HCK: variants seen among roughly 807,000 people sequenced by gnomAD.
HCK encodes HCK proto-oncogene, Src family tyrosine kinase.
HCK carries 40 observed loss-of-function variants against 70.4 expected under a neutral mutation model. The ratio of observed to expected loss-of-function variants is 0.57; its 90% CI spans 0.44 to 0.74. HCK has a LOEUF of 0.74. Among genes scored for constraint, HCK ranks in the 30% least tolerant of loss-of-function variants. HCK has a pLI of 0.00. For missense variants in HCK, 568 were observed against 697.2 expected (o/e 0.81, Z 2.09); for synonymous variants, 245 against 263.2 (o/e 0.93, Z 0.67).
At chr20:32,072,559 T>C (rs1026439291) in intron 2 of HCK, 3 of 100,910 alleles carry the variant, frequency 3.0e-5, no homozygotes, top group Non-Finnish European at 5.3e-5. Context: ...AGACCCTGTC[T>C]CTTTAAAAAA....
chr20:32,054,234 G>C (rs1306423287), intron 1 of HCK: 1 of 456,436 alleles, frequency 2.2e-6, no homozygotes, highest in East Asian at 6.9e-5. Flanking sequence ...GCTGTCATGA[G>C]TTACAGTCCT....
rs1275381117 is a variant in HCK at position 32,086,666 on chromosome 20, A to G, written c.874A>G (p.Met292Val). 6.2e-7 allele frequency: 1 copy of G among 1,613,230 alleles called. No individual in the cohort carries two copies. Among genetic ancestry groups the G allele is most frequent in the South Asian group, 1.1e-5 (1 of 91,024 alleles). Reference sequence around the variant, plus strand: ...GCACACCAAGGTGGCAGTGAAGACGATGAAGCCAGGGAGCATGTCGGTGGA... The same window carrying G: ...GCACACCAAGGTGGCAGTGAAGACGGTGAAGCCAGGGAGCATGTCGGTGGA... Residue 292 changes from methionine (M) to valine (V), a missense_variant, in exon 9 of 13, where the codon ATG (methionine) becomes GTG (valine). This residue lies in a region of HCK where 160 missense variants were observed against 237.5 expected (regional missense o/e 0.67). Coordinates refer to ENST00000375852, the MANE Select transcript of HCK (RefSeq NM_002110.5).
chr20:32,058,883 T>C (rs1255488051), intron 1 of HCK, among the ~76,000 whole-genome samples: 1 of 152,156 alleles, frequency 6.6e-6, no homozygotes, highest in African/African-American at 2.4e-5. Context: ...TAGAACAGGC[T>C]TGAGAGGTGA....
chr20:32,090,731 C>A (rs1437810202), intron 10 of HCK, among the ~76,000 whole-genome samples: 2 of 152,166 alleles, frequency 1.3e-5, no homozygotes, highest in Non-Finnish European at 2.9e-5. Flanking sequence ...TATCAACCCG[C>A]AGTGCTTACA....
At chr20:32,060,892 A>G (rs1170643289) in intron 1 of HCK, among the ~76,000 whole-genome samples, 1 of 101,550 alleles carries the variant, frequency 9.8e-6, no homozygotes, top group Non-Finnish European at 2.7e-5. Flanking sequence ...GAAAAAGAAA[A>G]GGAAGGAAGA....
chr20:32,093,886 C>T lies in HCK; in HGVS notation c.1116C>T (p.Ile372=), dbSNP rs766844170. Reference sequence around the variant, plus strand: ...AGATTGCAGAAGGCATGGCCTTCATCGAGCAGAGGAACTACATCCACCGAG... The same window carrying T: ...AGATTGCAGAAGGCATGGCCTTCATTGAGCAGAGGAACTACATCCACCGAG... Residue 372 remains isoleucine (I), a synonymous_variant, in exon 11 of 13, where the codon ATC becomes ATT. Transcript: ENST00000375852. The T allele has an allele frequency of 3.1e-6, 5 of 1,612,554 alleles. No individual in the cohort carries two copies. The highest frequency in any genetic ancestry group is 1.1e-5 in the South Asian group (1 of 90,956).
rs779059256 is a variant in HCK, at chr20:32,088,599, G to A, written c.1047G>A (p.Glu349=). 6.8e-6 allele frequency: 11 copies of A among 1,613,938 alleles called. No homozygotes were observed. Among genetic ancestry groups the A allele is most frequent in the Middle Eastern group, 3.3e-4 (2 of 6,062 alleles). ...TGCTGGACTTTCTGAAAAGTGATGA[G>A]GGCAGCAAGCAGCCATTGCCAAAAC... The change falls in exon 10 of 13, where the codon GAG becomes GAA. Residue 349 remains glutamate, a synonymous_variant. Transcript: ENST00000375852.
intron 6 of HCK, among the ~76,000 whole-genome samples, chr20:32,082,937 A>C (rs1374109700): frequency 1.3e-5 from 2 of 152,120 alleles, no homozygotes; most frequent in African/African-American, 4.8e-5. Context: ...ACAAATTAAT[A>C]CAAACTTAGT....
At chr20:32,061,003 A>G (rs573913803) in intron 1 of HCK, among the ~76,000 whole-genome samples, 5 of 151,936 alleles carry the variant, frequency 3.3e-5, no homozygotes, top group East Asian at 1.9e-4. Context: ...GTTTTTTTTG[A>G]GACAGAGTCT....
At chr20:32,097,519 G>A (rs2045973040) in intron 11 of HCK, among the ~76,000 whole-genome samples, 1 of 152,194 alleles carries the variant, frequency 6.6e-6, no homozygotes, top group African/African-American at 2.4e-5. Context: ...GGCGGAACTT[G>A]CAGTGAGCTG....
chr20:32,093,765 G>A (rs781413220), intron 10 of HCK, 98 bp from the exon 11 acceptor site: 117 of 1,169,532 alleles, frequency 1.0e-4, no homozygotes, highest in East Asian at 9.8e-4. Flanking sequence ...CAGACATTTC[G>A]CATTTTCTTC....
At chr20:32,070,891 AGAG>A (rs1016859320) in intron 1 of HCK, among the ~76,000 whole-genome samples, 4 of 143,064 alleles carry the variant, frequency 2.8e-5, no homozygotes, top group African/African-American at 7.7e-5. Flanking sequence ...AGACGAAGAA[AGAG>A]GAGGAGGAGG....
intron 1 of HCK, among the ~76,000 whole-genome samples, chr20:32,052,863 A>G (rs1195637479): frequency 6.7e-6 from 1 of 149,140 alleles, no homozygotes; most frequent in Non-Finnish European, 1.5e-5. Flanking sequence ...CGGGAAGGGG[A>G]AGGCCCTTAC....
chr20:32,059,495 TTC>T (rs935405245), intron 1 of HCK, among the ~76,000 whole-genome samples: 5 of 51,090 alleles, frequency 9.8e-5, no homozygotes, highest in South Asian at 6.0e-4. Context: ...TCTTTCTTGC[TTC>T]TCTCTCTCTC....
chr20:32,073,352 A>G lies in HCK; in HGVS notation c.217A>G (p.Ile73Val). The change falls in exon 3 of 13, where the codon ATC (isoleucine) becomes GTC (valine). Residue 73 changes from isoleucine (I) to valine (V), a missense_variant. Ile to Val is a conservative substitution (Grantham distance 29). Transcript: ENST00000375852. ...TAGCCACAACAGCAACACACCAGGAATCAGGGAGGGTAAGTATCTACGAGC... is the reference window on the plus strand; with the variant it reads ...TAGCCACAACAGCAACACACCAGGAGTCAGGGAGGGTAAGTATCTACGAGC... The G allele has an allele frequency of 6.2e-7, 1 of 1,612,042 alleles. No homozygotes were observed. The highest frequency in any genetic ancestry group is 8.5e-7 in the Non-Finnish European group (1 of 1,179,314).
chr20:32,057,173 C>T (rs1288565851), intron 1 of HCK, among the ~76,000 whole-genome samples: 1 of 152,238 alleles, frequency 6.6e-6, no homozygotes, highest in Non-Finnish European at 1.5e-5. Context: ...GGGGGCTACA[C>T]CTGGGCTGTC....
rs1371799395 is a variant in HCK, at chr20:32,086,626, A to G, written c.836-2A>G. 6.2e-7 allele frequency: 1 copy of G among 1,606,574 alleles called. No individual in the cohort carries two copies. The highest frequency in any genetic ancestry group is 8.5e-7 in the Non-Finnish European group (1 of 1,176,892). ...CCTTCCCTGCTCTCTATCCCCCTCCAGCCACCTACAACAAGCACACCAAGG... is the reference window on the plus strand; with the variant it reads ...CCTTCCCTGCTCTCTATCCCCCTCCGGCCACCTACAACAAGCACACCAAGG... On this transcript the variant is annotated splice_acceptor_variant, in intron 8 of 12. Coordinates refer to ENST00000375852, the MANE Select transcript of HCK (RefSeq NM_002110.5). LOFTEE classifies it high-confidence loss of function.
intron 11 of HCK, 112 bp from the exon 12 acceptor site, chr20:32,098,892 T>G: frequency 1.7e-6 from 2 of 1,193,092 alleles, no homozygotes; most frequent in Non-Finnish European, 2.4e-6. Flanking sequence ...AAATTGCAGG[T>G]CTGCAGGGGC....
intron 1 of HCK, among the ~76,000 whole-genome samples, chr20:32,053,744 G>A (rs2045219913): frequency 6.6e-6 from 1 of 151,690 alleles, no homozygotes; most frequent in African/African-American, 2.4e-5. Context: ...TAGACATATG[G>A]CCCCGTGTTC....
Sources: gnomAD v4.1 joint callset for allele counts (sites outside exome capture counted in the v4.1 genomes callset) on GRCh38, gnomAD v4.1.1 for gene constraint, gnomAD v4.1.1 regional missense constraint, MANE v1.5 for transcripts, NCBI Gene and HGNC (gene_info 2026-07-23, HGNC 2026-07-21) for gene names.